SDC2: variants seen among roughly 807,000 people sequenced by gnomAD.
SDC2 encodes the protein syndecan 2, also known as syndecan-2.
Under a neutral mutation model 22.2 loss-of-function variants are expected in SDC2, and 13 were observed. That is an observed-to-expected ratio of 0.59 (90% CI 0.38 to 0.93). SDC2 has a LOEUF of 0.93. Among genes scored for constraint, SDC2 ranks in the 40% least tolerant of loss-of-function variants. SDC2 has a pLI of 0.00. For synonymous variants in SDC2, 94 were observed against 92.8 expected (o/e 1.01, Z -0.07); for missense variants, 235 against 246.8 (o/e 0.95, Z 0.32).
intron 2 of SDC2, among the ~76,000 whole-genome samples, chr8:96,599,989 A>G (rs1286822239): frequency 6.6e-6 from 1 of 152,088 alleles, no homozygotes; most frequent in Non-Finnish European, 1.5e-5. Flanking sequence ...ACAAAAAATA[A>G]TAATAATTTT....
intron 1 of SDC2, among the ~76,000 whole-genome samples, chr8:96,499,511 A>G (rs1258777082): frequency 1.3e-5 from 2 of 152,244 alleles, no homozygotes; most frequent in Non-Finnish European, 2.9e-5. Context: ...AGCTGGGCTT[A>G]GAATACAAAG....
Position 96,567,796 on chromosome 8 carries a change from G to A in SDC2, c.61-25684G>A, listed in dbSNP as rs966064712. ...ATAAACACCTAATTATTCACCCATA[G>A]TCTGAGAGGTGGAGTGGAGTAACAC... is the stretch of plus-strand genomic sequence containing the variant. On this transcript the variant is annotated intron_variant, in intron 1 of 4. Coordinates refer to ENST00000302190, the MANE Select transcript of SDC2 (RefSeq NM_002998.4). Among the ~76,000 whole-genome samples, 4 of 152,154 alleles carry A rather than the reference G, an allele frequency of 2.6e-5. No individual in the cohort carries two copies. The East Asian group carries it at 7.7e-4, about 29-fold the overall frequency.
Position 96,609,649 on chromosome 8 carries a change from A to T in SDC2, c.*101A>T. 1.2e-5 allele frequency: 9 copies of T among 748,062 alleles called. No homozygotes were observed. Among genetic ancestry groups the T allele is most frequent in the South Asian group, 3.3e-5 (1 of 30,112 alleles). 46.3% of individuals were successfully genotyped at this position (748,062 alleles called of 1,614,324 possible). ...TCTTTGTTTTTTGTTTTCATTAAAGAGCCATTCTGGCACTTTAATGATAAA... is the reference window on the plus strand; with the variant it reads ...TCTTTGTTTTTTGTTTTCATTAAAGTGCCATTCTGGCACTTTAATGATAAA... On this transcript the variant is annotated 3_prime_UTR_variant, in exon 5 of 5. Coordinates refer to ENST00000302190, the MANE Select transcript of SDC2 (RefSeq NM_002998.4).
intron 1 of SDC2, among the ~76,000 whole-genome samples, chr8:96,548,954 T>A (rs995461484): frequency 2.6e-5 from 4 of 152,136 alleles, no homozygotes; most frequent in African/African-American, 9.7e-5. Context: ...AGGGTACACG[T>A]GGAGTAGATG....
intron 1 of SDC2, among the ~76,000 whole-genome samples, chr8:96,523,717 C>G (rs1328259883): frequency 6.6e-6 from 1 of 152,154 alleles, no homozygotes; most frequent in African/African-American, 2.4e-5. Flanking sequence ...ACAGATTACC[C>G]TGGTGCTTTA....
At chr8:96,570,205 G>A (rs764743937) in intron 1 of SDC2, among the ~76,000 whole-genome samples, 3 of 152,166 alleles carry the variant, frequency 2.0e-5, no homozygotes, top group Non-Finnish European at 4.4e-5. Context: ...GGCAAGTCTG[G>A]TGCCAGGGTT....
chr8:96,607,796 C>A (rs1024559592), intron 3 of SDC2, among the ~76,000 whole-genome samples: 6 of 152,030 alleles, frequency 3.9e-5, no homozygotes, highest in Non-Finnish European at 7.4e-5. Flanking sequence ...AAGTCCTGGT[C>A]TAGGGTTTGC....
chr8:96,541,542 A>T (rs1813850523), intron 1 of SDC2, among the ~76,000 whole-genome samples: 1 of 150,202 alleles, frequency 6.7e-6, no homozygotes, highest in Non-Finnish European at 1.5e-5. Context: ...TAATGCTACA[A>T]CACGGATGAA....
intron 1 of SDC2, among the ~76,000 whole-genome samples, chr8:96,498,652 G>C (rs977295237): frequency 6.6e-6 from 1 of 151,978 alleles, no homozygotes; most frequent in African/African-American, 2.4e-5. Flanking sequence ...CACTGCACCT[G>C]GCTAAATTTT....
At chr8:96,591,042 C>T (rs548381658) in intron 1 of SDC2, among the ~76,000 whole-genome samples, 102 of 152,236 alleles carry the variant, frequency 6.7e-4, no homozygotes, top group African/African-American at 2.4e-3. Context: ...TGTGGTTGAA[C>T]GGTGAGGTGG....
rs35998270 is a variant in SDC2, at chr8:96,501,295, C to CTTTTTTTTT, written c.60+6985_60+6993dup. 2.5e-4 allele frequency among the ~76,000 whole-genome samples: 14 copies of CTTTTTTTTT among 55,162 alleles called. 1 individual carries two copies. The highest frequency in any genetic ancestry group is 3.1e-4 in the Non-Finnish European group (9 of 28,912). The allele number at this position is 55,162 out of a possible 152,430, so 36.2% of individuals were successfully genotyped here. ...TAAGGGAAAAGTTAAATACGTATTT[C>CTTTTTTTTT]TTTTTTTTTTTTTTTTTTTTTTTTT... On this transcript the variant is annotated intron_variant, in intron 1 of 4. Transcript: ENST00000302190.
At position 96,517,770 on chromosome 8, in the gene SDC2, CATGTGTGT is replaced by C. The variant is rs1268969716; in HGVS notation, c.60+23440_60+23447del. ...ATAAATACACACGTTTGTGTGTGTG[CATGTGTGT>C]GTGTGTGTGTGTGTGTGTGTGTGTA... On this transcript the variant is annotated intron_variant, in intron 1 of 4. Coordinates refer to ENST00000302190, the MANE Select transcript of SDC2 (RefSeq NM_002998.4). Among the ~76,000 whole-genome samples, 6 of 73,318 alleles carry C rather than the reference CATGTGTGT, an allele frequency of 8.2e-5. 1 individual carries two copies. The highest frequency in any genetic ancestry group is 6.3e-3 in the Middle Eastern group (1 of 158). The allele number at this position is 73,318 out of a possible 152,430, so 48.1% of individuals were successfully genotyped here.
Position 96,494,131 on chromosome 8 carries a change from C to T in SDC2, c.-141C>T. The T allele has an allele frequency of 1.2e-6, 1 of 811,580 alleles. No individual in the cohort carries two copies. Among genetic ancestry groups the T allele is most frequent in the Non-Finnish European group, 1.9e-6 (1 of 538,522 alleles). The allele number at this position is 811,580 out of a possible 1,614,324, so 50.3% of individuals were successfully genotyped here. On this transcript the variant is annotated 5_prime_UTR_variant, in exon 1 of 5. Coordinates refer to ENST00000302190, the MANE Select transcript of SDC2 (RefSeq NM_002998.4). Reference sequence around the variant, plus strand: ...AAGCGAGCGCCCCCGAGCCCCGAGCCCGAGTCCCCGAGCCTGAGCCGCAAT... The same window carrying T: ...AAGCGAGCGCCCCCGAGCCCCGAGCTCGAGTCCCCGAGCCTGAGCCGCAAT...
At chr8:96,515,943 C>T (rs997604283) in intron 1 of SDC2, among the ~76,000 whole-genome samples, 65 of 152,142 alleles carry the variant, frequency 4.3e-4, no homozygotes, top group African/African-American at 1.5e-3. Flanking sequence ...GCTCCCTAGC[C>T]CTGGGACTGG....
intron 1 of SDC2, among the ~76,000 whole-genome samples, chr8:96,546,679 A>G (rs956247578): frequency 6.6e-6 from 1 of 152,240 alleles, no homozygotes; most frequent in African/African-American, 2.4e-5. Flanking sequence ...TGAAGTACAC[A>G]GAGAGGGCTA....
chr8:96,549,131 A>G (rs938117497), intron 1 of SDC2, among the ~76,000 whole-genome samples: 1 of 152,202 alleles, frequency 6.6e-6, no homozygotes, highest in Non-Finnish European at 1.5e-5. Flanking sequence ...ATAGGAATCT[A>G]AAAACTGAGT....
intron 1 of SDC2, among the ~76,000 whole-genome samples, chr8:96,533,903 C>T (rs1813707795): frequency 6.6e-6 from 1 of 152,184 alleles, no homozygotes; most frequent in African/African-American, 2.4e-5. Context: ...GGGGGCGGCG[C>T]TCGTTGGGGA....
chr8:96,520,513 A>G (rs1353140241), intron 1 of SDC2, among the ~76,000 whole-genome samples: 1 of 152,100 alleles, frequency 6.6e-6, no homozygotes, highest in Non-Finnish European at 1.5e-5. Context: ...CACATTCCCA[A>G]GCTGTTTATA....
intron 1 of SDC2, among the ~76,000 whole-genome samples, chr8:96,568,220 G>C (rs1814332546): frequency 6.6e-6 from 1 of 152,202 alleles, no homozygotes; most frequent in Non-Finnish European, 1.5e-5. Flanking sequence ...CTTAATTACT[G>C]TTGGCACATC....
Sources: gnomAD v4.1 joint callset for allele counts (sites outside exome capture counted in the v4.1 genomes callset) on GRCh38, gnomAD v4.1.1 for gene constraint, MANE v1.5 for transcripts, NCBI Gene and HGNC (gene_info 2026-07-23, HGNC 2026-07-21) for gene names.